EIF3H: variants seen among roughly 807,000 people sequenced by gnomAD.
EIF3H encodes the protein eIF-3-gamma.
Under a neutral mutation model 44.2 loss-of-function variants are expected in EIF3H, and 26 were observed. The ratio of observed to expected loss-of-function variants is 0.59; its 90% CI spans 0.43 to 0.82. The LOEUF is 0.82. Among genes scored for constraint, EIF3H ranks in the 40% least tolerant of loss-of-function variants. EIF3H has a pLI of 0.00. For missense variants in EIF3H, 359 were observed against 432.8 expected (o/e 0.83, Z 1.51); for synonymous variants, 166 against 151.9 (o/e 1.09, Z -0.68).
chr8:116,645,991 C>CTT (rs1192991524), intron 7 of EIF3H, among the ~76,000 whole-genome samples: 3 of 152,178 alleles, frequency 2.0e-5, no homozygotes, highest in African/African-American at 7.2e-5. Flanking sequence ...ACCTCTCCTG[C>CTT]TTAAAGGTGG....
intron 2 of EIF3H, among the ~76,000 whole-genome samples, chr8:116,668,650 A>G (rs949066436): frequency 6.6e-6 from 1 of 150,780 alleles, no homozygotes; most frequent in Non-Finnish European, 1.5e-5. Context: ...CCACACATTA[A>G]TTGTGTGACC....
At chr8:116,743,920 C>A (rs1729168156) in intron 1 of EIF3H, among the ~76,000 whole-genome samples, 1 of 151,414 alleles carries the variant, frequency 6.6e-6, no homozygotes, top group Admixed American at 6.6e-5. Flanking sequence ...TTTAGGACTA[C>A]AGCTGTCCAT....
At chr8:116,730,729 C>G (rs994637287) in intron 1 of EIF3H, among the ~76,000 whole-genome samples, 1 of 152,128 alleles carries the variant, frequency 6.6e-6, no homozygotes, top group Admixed American at 6.5e-5. Flanking sequence ...GGATGATTTA[C>G]TCACCACATC....
In EIF3H at chr8:116,681,016, T is replaced by C. The variant is rs1239315596; in HGVS notation, c.290-22036A>G. 2.0e-5 allele frequency among the ~76,000 whole-genome samples: 3 copies of C among 150,240 alleles called. No individual in the cohort carries two copies. The South Asian group carries it at 6.3e-4, about 32-fold the overall frequency. ...TACAGTACAGCTTAAATAATGATCG[T>C]GATGAGGATTATTCAATAATACAAA... On this transcript the variant is annotated intron_variant, in intron 2 of 7. Transcript: ENST00000521861.
At chr8:116,733,327 C>T (rs138833660) in intron 1 of EIF3H, among the ~76,000 whole-genome samples, 21 of 152,278 alleles carry the variant, frequency 1.4e-4, no homozygotes, top group African/African-American at 4.8e-4. Context: ...CAGAGCTTAA[C>T]GGAGCTTCAT....
chr8:116,763,371 A>G (rs1321057147), intron 1 of EIF3H, among the ~76,000 whole-genome samples: 1 of 152,246 alleles, frequency 6.6e-6, no homozygotes, highest in Non-Finnish European at 1.5e-5. Context: ...TATCTGGGCA[A>G]GGGGAGAAGA....
At chr8:116,707,490 A>T (rs1384338862) in intron 2 of EIF3H, among the ~76,000 whole-genome samples, 1 of 152,176 alleles carries the variant, frequency 6.6e-6, no homozygotes, top group Non-Finnish European at 1.5e-5. Flanking sequence ...GAAGGCAAAC[A>T]GGAATTTAAT....
In EIF3H at chr8:116,742,448, T is replaced by A. The variant is rs552124249; in HGVS notation, c.132+13218A>T. Among the ~76,000 whole-genome samples the A allele has an allele frequency of 7.9e-5, 12 of 152,354 alleles. No homozygotes were observed. In the East Asian group the frequency reaches 1.9e-3, roughly 24 times the overall value. On this transcript the variant is annotated intron_variant, in intron 1 of 7. Transcript: ENST00000521861. Reference sequence around the variant, plus strand: ...AAGTTTCTGCTTTACCAATTCAATATATATAACCAACCTGCAAATTTTCCC... The same window carrying A: ...AAGTTTCTGCTTTACCAATTCAATAAATATAACCAACCTGCAAATTTTCCC...
intron 2 of EIF3H, among the ~76,000 whole-genome samples, chr8:116,688,490 A>C (rs1240053353): frequency 1.3e-5 from 2 of 152,180 alleles, no homozygotes; most frequent in East Asian, 3.8e-4. Flanking sequence ...TGAGTAAAAG[A>C]AGCAAGACAT....
intron 2 of EIF3H, among the ~76,000 whole-genome samples, chr8:116,709,010 AT>A (rs139956344): frequency 1.3e-5 from 2 of 150,348 alleles, no homozygotes; most frequent in Non-Finnish European, 3.0e-5. Flanking sequence ...AAAAAAAAAA[AT>A]TTTTTTTTGC....
chr8:116,669,487 C>G (rs1471946333), intron 2 of EIF3H, among the ~76,000 whole-genome samples: 1 of 152,104 alleles, frequency 6.6e-6, no homozygotes, highest in African/African-American at 2.4e-5. Context: ...ACTCAGGGGA[C>G]TGGGACAAGG....
At chr8:116,666,802 T>G (rs1307665525) in intron 2 of EIF3H, among the ~76,000 whole-genome samples, 1 of 146,876 alleles carries the variant, frequency 6.8e-6, no homozygotes, top group African/African-American at 2.6e-5. Context: ...GGCTCTTTCA[T>G]GAGGACAAGT....
chr8:116,658,749 G>A (rs1813533353), intron 3 of EIF3H, 64 bp downstream of exon 3: 1 of 1,543,708 alleles, frequency 6.5e-7, no homozygotes, highest in Non-Finnish European at 8.7e-7. Flanking sequence ...AGGCAAAAAG[G>A]ACAGAAAGCA....
intron 2 of EIF3H, among the ~76,000 whole-genome samples, chr8:116,662,947 G>A (rs1187966602): frequency 6.6e-6 from 1 of 152,142 alleles, no homozygotes; most frequent in African/African-American, 2.4e-5. Flanking sequence ...TTTCTCTCAG[G>A]AGTTACATTG....
At chr8:116,653,235 C>T (rs1451452273) in intron 5 of EIF3H, among the ~76,000 whole-genome samples, 1 of 151,948 alleles carries the variant, frequency 6.6e-6, no homozygotes, top group Non-Finnish European at 1.5e-5. Context: ...TTATCTGCTG[C>T]AAGTATATGA....
Position 116,678,137 on chromosome 8 carries a change from G to A in EIF3H, c.290-19157C>T, listed in dbSNP as rs1440830648. ...GCCGAGTGCCTGCGATTGCAGGCGC[G>A]CGCCGCCACGCCTGACTGGTTTTCG... On this transcript the variant is annotated intron_variant, in intron 2 of 7. Transcript: ENST00000521861. Among the ~76,000 whole-genome samples the A allele has an allele frequency of 7.4e-3, 1,102 of 149,732 alleles. 10 individuals carry two copies. Among genetic ancestry groups the A allele is most frequent in the African/African-American group, 0.025 (1,024 of 40,886 alleles).
At chr8:116,680,973 TAAAAAA>T (rs11369605) in intron 2 of EIF3H, among the ~76,000 whole-genome samples, 18 of 146,638 alleles carry the variant, frequency 1.2e-4, no homozygotes, top group African/African-American at 3.5e-4. Context: ...ATTTATAAAT[TAAAAAA>T]AAAAAAGAGT....
intron 1 of EIF3H, among the ~76,000 whole-genome samples, chr8:116,733,685 T>C (rs1436343920): frequency 6.6e-6 from 1 of 152,172 alleles, no homozygotes; most frequent in Admixed American, 6.5e-5. Flanking sequence ...TATACATTGA[T>C]ATCTGCATAT....
At chr8:116,743,543 A>G (rs1409893826) in intron 1 of EIF3H, among the ~76,000 whole-genome samples, 1 of 152,026 alleles carries the variant, frequency 6.6e-6, no homozygotes, top group Non-Finnish European at 1.5e-5. Context: ...CAGGAGTTCA[A>G]GACTAGCCTG....
Sources: allele counts gnomAD v4.1 joint callset (sites outside exome capture counted in the v4.1 genomes callset), GRCh38; gene constraint gnomAD v4.1.1; transcripts MANE v1.5; gene names NCBI Gene and HGNC (gene_info 2026-07-23, HGNC 2026-07-21).